RERE: variants seen among roughly 807,000 people sequenced by gnomAD.
RERE encodes arginine-glutamic acid dipeptide repeats protein.
Under a neutral mutation model 146.1 loss-of-function variants are expected in RERE, and 40 were observed. The ratio of observed to expected loss-of-function variants is 0.27; its 90% CI spans 0.21 to 0.36. The LOEUF is 0.36. Ranked by LOEUF, RERE falls within the 10% of genes least tolerant of loss-of-function variation. RERE has a pLI of 1.00. For missense variants in RERE, 1,933 were observed against 2,138.7 expected, an observed-to-expected ratio of 0.90 and a Z score of 1.90; for synonymous variants, 1,003 against 866.0, an observed-to-expected ratio of 1.16 and a Z score of -2.78.
chr1:8,590,201 A>C (rs1037583769), intron 4 of RERE, among the ~76,000 whole-genome samples: 9 of 152,186 alleles, frequency 5.9e-5, no homozygotes, highest in African/African-American at 2.2e-4. Flanking sequence ...CAATAAAGAT[A>C]TGAAAACTGA....
intron 1 of RERE, among the ~76,000 whole-genome samples, chr1:8,695,458 A>C (rs780271163): frequency 6.6e-6 from 1 of 152,076 alleles, no homozygotes; most frequent in South Asian, 2.1e-4. Flanking sequence ...AAAAGAAACT[A>C]TCAACAAAGG....
rs146907591 is a variant in RERE, at chr1:8,364,152, G to A, written c.1644C>T (p.Pro548=). 51 of 1,614,100 alleles carry A rather than the reference G, an allele frequency of 3.2e-5. No individual in the cohort carries two copies. In the Admixed American group the frequency reaches 6.8e-4, roughly 22 times the overall value. The change falls in exon 15 of 23, where the codon CCC becomes CCT. Residue 548 remains proline (P), a synonymous_variant. Transcript: ENST00000400908. This position sits in a 1 kb window ranked among gnomAD's most constrained non-coding sequence, Gnocchi z 5.1. ...TGAACATAAACGGTGGCGGGTCCAC[G>A]GGCTTCTCAATGGGCGGGAGCTCAC... ...KYGELPPIEK[P]VDPPPFMFKP...
intron 7 of RERE, among the ~76,000 whole-genome samples, chr1:8,521,187 A>C (rs1043238051): frequency 7.4e-6 from 1 of 135,968 alleles, no homozygotes; most frequent in Non-Finnish European, 1.6e-5. Context: ...AAAAAAAAAA[A>C]AAAAAAGAAC....
At chr1:8,402,625 C>G (rs1643302328) in intron 12 of RERE, among the ~76,000 whole-genome samples, 1 of 152,084 alleles carries the variant, frequency 6.6e-6, no homozygotes, top group South Asian at 2.1e-4. Context: ...TTGCTGGGTT[C>G]AGTTCGGTAA....
intron 1 of RERE, among the ~76,000 whole-genome samples, chr1:8,742,867 CAAAAAAAA>C (rs1330011632): frequency 2.1e-5 from 2 of 93,172 alleles, no homozygotes; most frequent in African/African-American, 8.4e-5. Flanking sequence ...GATCCTGTCT[CAAAAAAAA>C]AAAAAAAAAA....
intron 4 of RERE, among the ~76,000 whole-genome samples, chr1:8,586,951 GA>G (rs1323153085): frequency 2.0e-5 from 3 of 152,076 alleles, no homozygotes; most frequent in Non-Finnish European, 4.4e-5. Context: ...TGCAGCCCAG[GA>G]AACTAAAATT....
intron 1 of RERE, among the ~76,000 whole-genome samples, chr1:8,706,195 T>A (rs1639558129): frequency 6.6e-6 from 1 of 151,354 alleles, no homozygotes; most frequent in Non-Finnish European, 1.5e-5. Flanking sequence ...GGTTCACGCC[T>A]GTAGTCCCAG....
chr1:8,761,579 C>T (rs1026544409), intron 1 of RERE, among the ~76,000 whole-genome samples: 2 of 152,176 alleles, frequency 1.3e-5, no homozygotes, highest in African/African-American at 2.4e-5. Context: ...ACCTCTACAA[C>T]GTCTCCCATC....
At chr1:8,370,685 C>T (rs552838428) in intron 12 of RERE, among the ~76,000 whole-genome samples, 7 of 152,178 alleles carry the variant, frequency 4.6e-5, no homozygotes, top group South Asian at 4.1e-4. Flanking sequence ...AAGAACATGT[C>T]GGGGAAAGCT....
At chr1:8,773,466 C>A (rs1380700981) in intron 1 of RERE, among the ~76,000 whole-genome samples, 1 of 152,030 alleles carries the variant, frequency 6.6e-6, no homozygotes, top group Non-Finnish European at 1.5e-5. Flanking sequence ...GGCCAAGGTG[C>A]GCCAATCACT....
intron 12 of RERE, among the ~76,000 whole-genome samples, chr1:8,411,036 A>C (rs918733625): frequency 5.9e-5 from 9 of 152,232 alleles, no homozygotes; most frequent in Non-Finnish European, 1.0e-4. Context: ...GTATTTATAG[A>C]CATGCCTGGT....
At chr1:8,362,924 A>G in intron 15 of RERE, 80 bp from the exon 16 acceptor site, 1 of 1,494,310 alleles carries the variant, frequency 6.7e-7, no homozygotes, top group South Asian at 1.3e-5. Context: ...CCACAGGCAG[A>G]AGCCTGAAGG....
intron 11 of RERE, among the ~76,000 whole-genome samples, chr1:8,447,425 C>T (rs569427185): frequency 7.2e-5 from 11 of 152,220 alleles, no homozygotes; most frequent in Admixed American, 2.6e-4. Flanking sequence ...TCCTCATCTT[C>T]GTGGATGTGT....
intron 4 of RERE, among the ~76,000 whole-genome samples, chr1:8,611,758 C>T (rs1400293769): frequency 2.6e-5 from 4 of 152,200 alleles, no homozygotes; most frequent in Admixed American, 1.3e-4. Context: ...GATAAATGTG[C>T]ACGTATGTCC....
chr1:8,386,266 T>A (rs1027499269), intron 12 of RERE, among the ~76,000 whole-genome samples: 4 of 151,186 alleles, frequency 2.6e-5, no homozygotes, highest in African/African-American at 7.3e-5. Flanking sequence ...AATTAAAAAA[T>A]TACCATTGCT....
chr1:8,592,438 T>C (rs1646506769), intron 4 of RERE, among the ~76,000 whole-genome samples: 1 of 152,044 alleles, frequency 6.6e-6, no homozygotes, highest in Non-Finnish European at 1.5e-5. Flanking sequence ...GCCCGGCTAA[T>C]TTTTGTACTT....
chr1:8,805,171 TTAAA>T, intron 1 of RERE, among the ~76,000 whole-genome samples: 1 of 152,008 alleles, frequency 6.6e-6, no homozygotes, highest in Non-Finnish European at 1.5e-5. Context: ...TACCCAGCTA[TTAAA>T]TAATTTTGAA....
rs181741006 is a variant in RERE, at chr1:8,748,073, C to T, written c.-145+69087G>A. On this transcript the variant is annotated intron_variant, in intron 1 of 22. Coordinates refer to ENST00000400908, the MANE Select transcript of RERE (RefSeq NM_001042681.2). ...GATTACAAGCGTGAGCCACCACGCC[C>T]GGCCATAACTTTCTATATTACTTAA... 3.1e-3 allele frequency among the ~76,000 whole-genome samples: 478 copies of T among 152,114 alleles called. 4 individuals are homozygous for T. The highest frequency in any genetic ancestry group is 7.3e-3 in the Admixed American group (111 of 15,282).
chr1:8,379,401 G>T (rs1342097404), intron 12 of RERE, among the ~76,000 whole-genome samples: 1 of 152,174 alleles, frequency 6.6e-6, no homozygotes, highest in Non-Finnish European at 1.5e-5. Flanking sequence ...CCACAGCTCT[G>T]TGGTTCCAGG....
Sources: gnomAD v4.1 joint callset for allele counts (sites outside exome capture counted in the v4.1 genomes callset) on GRCh38, gnomAD v4.1.1 for gene constraint, Gnocchi (gnomAD v3.1) non-coding constraint, MANE v1.5 for transcripts, NCBI Gene and HGNC (gene_info 2026-07-23, HGNC 2026-07-21) for gene names.